The following UMAD1 variants were observed in gnomAD, a reference collection of about 807,000 sequenced individuals.
The protein encoded by UMAD1 is UBAP1-MVB12-associated (UMA) domain containing 1.
A neutral mutation model predicts 6.1 loss-of-function variants in UMAD1; 8 were observed. The observed-to-expected ratio is 1.30, with a 90% CI of 0.76 to 2.35. The LOEUF (loss-of-function observed/expected upper bound fraction) is 2.35, where lower values mean the gene tolerates loss of function less well. Among genes scored for constraint, UMAD1 ranks in the 30% most tolerant of loss-of-function variants. UMAD1 has a pLI of 0.00. For missense variants in UMAD1, 130 were observed against 78.4 expected, an observed-to-expected ratio of 1.66 and a Z score of -2.49; for synonymous variants, 56 against 31.4, an observed-to-expected ratio of 1.78 and a Z score of -2.61.
rs1022254328 is a variant in UMAD1, at chr7:7,742,087, G to A, written c.83-59583G>A. 1.2e-5 allele frequency: 7 copies of A among 577,658 alleles called. No individual in the cohort carries two copies. In the Admixed American group the frequency reaches 1.3e-4, roughly 11 times the overall value. 35.8% of individuals were successfully genotyped at this position (577,658 alleles called of 1,614,324 possible). A position where few individuals can be genotyped will look rare whatever the true frequency, so the allele number is the denominator to read the frequency against. ...CATCATAGATGTTTAGTAAACGCTT[G>A]TTGATATGATGAAAGTTTGGCAACA... On this transcript the variant is annotated intron_variant, in intron 2 of 3. Transcript: ENST00000682710.
At chr7:7,741,598 AT>A (rs1781466888) in intron 2 of UMAD1, among the ~76,000 whole-genome samples, 17 of 147,976 alleles carry the variant, frequency 1.1e-4, no homozygotes, top group Admixed American at 1.1e-3. Flanking sequence ...AATAATAATA[AT>A]AATAATAATA....
intron 2 of UMAD1, among the ~76,000 whole-genome samples, chr7:7,716,063 A>G (rs1402233003): frequency 6.6e-6 from 1 of 152,070 alleles, no homozygotes; most frequent in Non-Finnish European, 1.5e-5. Context: ...TACAGTTAAA[A>G]TTTTTTTTGA....
In UMAD1 at chr7:7,830,743, T is replaced by C. The variant is rs1783447818; in HGVS notation, c.156+29000T>C. ...GATACAGTAGGGTTTTGAGTCAATATAAATAAACACATAGACTAAGTTCTA... is the reference window on the plus strand; with the variant it reads ...GATACAGTAGGGTTTTGAGTCAATACAAATAAACACATAGACTAAGTTCTA... On this transcript the variant is annotated intron_variant, in intron 3 of 3. Transcript: ENST00000682710. This position sits in a 1 kb window ranked among gnomAD's most constrained non-coding sequence, Gnocchi z 5.3. Among the ~76,000 whole-genome samples the C allele has an allele frequency of 6.6e-6, 1 of 152,162 alleles. No individual in the cohort carries two copies. Among genetic ancestry groups the C allele is most frequent in the Non-Finnish European group, 1.5e-5 (1 of 68,010 alleles).
chr7:7,684,229 G>A (rs1299290110), intron 2 of UMAD1, among the ~76,000 whole-genome samples: 1 of 150,892 alleles, frequency 6.6e-6, no homozygotes, highest in Non-Finnish European at 1.5e-5. Flanking sequence ...TTGAGACAGT[G>A]TCTCACTCCA....
intron 2 of UMAD1, among the ~76,000 whole-genome samples, chr7:7,782,613 T>C (rs1782368861): frequency 1.3e-5 from 2 of 152,190 alleles, no homozygotes; most frequent in African/African-American, 2.4e-5. Flanking sequence ...TTTAAGTACC[T>C]GTAAACTTGA....
intron 2 of UMAD1, among the ~76,000 whole-genome samples, chr7:7,769,294 T>G (rs1423726538): frequency 6.6e-6 from 1 of 152,138 alleles, no homozygotes; most frequent in Non-Finnish European, 1.5e-5. Flanking sequence ...TCCATAAAAA[T>G]CTCAAAAATA....
chr7:7,759,930 C>T (rs1221727679), intron 2 of UMAD1, among the ~76,000 whole-genome samples: 1 of 152,144 alleles, frequency 6.6e-6, no homozygotes, highest in African/African-American at 2.4e-5. Flanking sequence ...TATTCTTTGA[C>T]ACTCTCCCAT....
At chr7:7,679,720 A>T (rs933545891) in intron 2 of UMAD1, among the ~76,000 whole-genome samples, 35 of 141,880 alleles carry the variant, frequency 2.5e-4, no homozygotes, top group Admixed American at 7.6e-4. Flanking sequence ...AAATATATAT[A>T]TATATATATA....
chr7:7,677,048 A>T (rs573553624), intron 2 of UMAD1, among the ~76,000 whole-genome samples: 1 of 152,140 alleles, frequency 6.6e-6, no homozygotes, highest in African/African-American at 2.4e-5. Context: ...AATGCTTTTA[A>T]TGCTTTTATT....
chr7:7,837,140 G>A (rs1304559031), intron 3 of UMAD1, among the ~76,000 whole-genome samples: 2 of 151,994 alleles, frequency 1.3e-5, no homozygotes, highest in Admixed American at 1.3e-4. Flanking sequence ...AACAGCACTG[G>A]ATCCAAAGGC....
Position 7,877,384 on chromosome 7 carries a change from G to A in UMAD1, c.260G>A (p.Ser87Asn). ...AGCTCATTAATGGCCGAGCTCCTGA[G>A]CGATGTGCCGTTCACCCTGGCCCCG... Reference protein sequence around the residue: ...ENSSLMAELLSDVPFTLAPHV... With the variant: ...ENSSLMAELLNDVPFTLAPHV... The change falls in exon 4 of 4, where the codon AGC becomes AAC. Residue 87 changes from serine (S) to asparagine (N), a missense_variant. Transcript: ENST00000682710. The A allele has an allele frequency of 1.4e-6, 1 of 717,574 alleles. No individual in the cohort carries two copies. The highest frequency in any genetic ancestry group is 2.6e-6 in the Non-Finnish European group (1 of 385,118). The allele number at this position is 717,574 out of a possible 1,614,324, so 44.5% of individuals were successfully genotyped here.
In UMAD1 at chr7:7,656,471, T is replaced by G. The variant is rs182101819; in HGVS notation, c.-64+15650T>G. Among the ~76,000 whole-genome samples, 1,235 of 152,236 alleles carry G rather than the reference T, an allele frequency of 8.1e-3. 16 individuals are homozygous for G. The highest frequency in any genetic ancestry group is 0.012 in the Non-Finnish European group (811 of 68,010). On this transcript the variant is annotated intron_variant, in intron 1 of 3. Transcript: ENST00000682710. ...TCTAATGCTATTCCTCCCCTAGCCT[T>G]CCACCCCATGACAGGCCCCAGTGTG...
intron 2 of UMAD1, among the ~76,000 whole-genome samples, chr7:7,755,106 A>G (rs1178722876): frequency 6.6e-6 from 1 of 152,222 alleles, no homozygotes; most frequent in Non-Finnish European, 1.5e-5. Flanking sequence ...TTCACTCCAC[A>G]TCGAATGCCT....
At chr7:7,642,095 G>A (rs532843006) in intron 1 of UMAD1, among the ~76,000 whole-genome samples, 1 of 152,316 alleles carries the variant, frequency 6.6e-6, no homozygotes, top group South Asian at 2.1e-4. Context: ...AAAGCAAGTT[G>A]ATGTGCATTA....
intron 1 of UMAD1, among the ~76,000 whole-genome samples, chr7:7,646,998 C>T (rs536075046): frequency 3.0e-4 from 46 of 152,276 alleles, no homozygotes; most frequent in African/African-American, 9.9e-4. Context: ...ACCCTTCTGC[C>T]GCTTGTCCGT....
At chr7:7,871,744 C>T (rs535276934) in intron 3 of UMAD1, among the ~76,000 whole-genome samples, 1 of 151,844 alleles carries the variant, frequency 6.6e-6, no homozygotes, top group South Asian at 2.1e-4. Flanking sequence ...ATCAGGATAA[C>T]TTGAATGAGA....
At position 7,878,380 on chromosome 7, in the gene UMAD1, G is replaced by A. The variant is rs1784463813; in HGVS notation, c.*842G>A. 6.6e-6 allele frequency: 1 copy of A among 152,084 alleles called. No individual in the cohort carries two copies. Among genetic ancestry groups the A allele is most frequent in the South Asian group, 2.1e-4 (1 of 4,826 alleles). The allele number at this position is 152,084 out of a possible 1,614,324, so 9.4% of individuals were successfully genotyped here. A position where few individuals can be genotyped will look rare whatever the true frequency, so the allele number is the denominator to read the frequency against. On this transcript the variant is annotated 3_prime_UTR_variant, in exon 4 of 4. Transcript: ENST00000682710. ...ACATCTCATGATGATACATATTATT[G>A]CTGATAACACCCTTATTTAGAAATT...
chr7:7,842,617 TAAA>T (rs60451147), intron 3 of UMAD1, among the ~76,000 whole-genome samples: 6 of 145,856 alleles, frequency 4.1e-5, no homozygotes, highest in African/African-American at 1.0e-4. Context: ...TACCTTTTTT[TAAA>T]AAAAAAAAAA....
intron 2 of UMAD1, among the ~76,000 whole-genome samples, chr7:7,723,783 T>C (rs1014547441): frequency 4.6e-5 from 7 of 152,176 alleles, no homozygotes; most frequent in African/African-American, 1.7e-4. Context: ...AAGGTAGGCA[T>C]AGCTACTGTA....
Sources: allele counts gnomAD v4.1 joint callset (sites outside exome capture counted in the v4.1 genomes callset), GRCh38; gene constraint gnomAD v4.1.1; non-coding constraint Gnocchi (gnomAD v3.1); transcripts MANE v1.5; gene names NCBI Gene and HGNC (gene_info 2026-07-23, HGNC 2026-07-21).